CADPS: variants seen among roughly 807,000 people sequenced by gnomAD.
The protein encoded by CADPS is calcium dependent secretion activator.
In CADPS, 57 loss-of-function variants were observed where a neutral mutation model predicts 167.3. That is an observed-to-expected ratio of 0.34 (90% CI 0.28 to 0.42). The LOEUF (loss-of-function observed/expected upper bound fraction) is 0.42. CADPS is among the 20% of genes least tolerant of loss of function. CADPS has a pLI of 1.00. For synonymous variants in CADPS, 676 were observed against 635.3 expected (o/e 1.06, Z -0.96); for missense variants, 1,414 against 1,738.1 (o/e 0.81, Z 3.32).
intron 9 of CADPS, among the ~76,000 whole-genome samples, chr3:62,564,234 C>G (rs2079709900): frequency 6.6e-6 from 1 of 152,026 alleles, no homozygotes; most frequent in South Asian, 2.1e-4. Context: ...ATTCCCTGAC[C>G]TCATGATCCA....
intron 6 of CADPS, among the ~76,000 whole-genome samples, chr3:62,621,668 G>A (rs972219545): frequency 2.6e-5 from 4 of 151,864 alleles, no homozygotes; most frequent in African/African-American, 9.7e-5. Context: ...GGTTTCTTGT[G>A]CAGTTTATTT....
intron 18 of CADPS, among the ~76,000 whole-genome samples, chr3:62,496,694 G>A (rs2064859715): frequency 6.6e-6 from 1 of 152,160 alleles, no homozygotes; most frequent in Non-Finnish European, 1.5e-5. Context: ...TGGAAGAGAA[G>A]AGGCAAAGCT....
intron 1 of CADPS, among the ~76,000 whole-genome samples, chr3:62,833,336 A>G (rs1206117105): frequency 6.6e-6 from 1 of 151,740 alleles, no homozygotes; most frequent in African/African-American, 2.4e-5. Flanking sequence ...AAAAATTGTA[A>G]TAGAGATGAG....
intron 6 of CADPS, among the ~76,000 whole-genome samples, chr3:62,631,447 T>C (rs1203387389): frequency 1.3e-5 from 2 of 152,160 alleles, no homozygotes; most frequent in Non-Finnish European, 2.9e-5. Context: ...CCCACAATGA[T>C]TGTGTTTGTT....
intron 4 of CADPS, among the ~76,000 whole-genome samples, chr3:62,659,264 A>C (rs139447841): frequency 6.6e-6 from 1 of 152,310 alleles, no homozygotes; most frequent in East Asian, 1.9e-4. Flanking sequence ...GCTAAAAAGA[A>C]GATAAGCAGA....
chr3:62,786,387 A>T (rs1464630608), intron 1 of CADPS, among the ~76,000 whole-genome samples: 2 of 152,170 alleles, frequency 1.3e-5, no homozygotes, highest in East Asian at 3.9e-4. Flanking sequence ...TCTAATGGTA[A>T]TTCCAGCATT....
intron 1 of CADPS, among the ~76,000 whole-genome samples, chr3:62,867,055 C>G (rs988359898): frequency 6.6e-6 from 1 of 151,928 alleles, no homozygotes; most frequent in Non-Finnish European, 1.5e-5. Context: ...TATATATATG[C>G]TTAGAATTTA....
At chr3:62,686,532 T>C (rs2078069222) in intron 3 of CADPS, among the ~76,000 whole-genome samples, 1 of 151,136 alleles carries the variant, frequency 6.6e-6, no homozygotes, top group Non-Finnish European at 1.5e-5. Context: ...ATGGAGCTAA[T>C]GTACACTACA....
At chr3:62,522,128 T>G (rs1365791523) in intron 13 of CADPS, among the ~76,000 whole-genome samples, 1 of 151,626 alleles carries the variant, frequency 6.6e-6, no homozygotes, top group Non-Finnish European at 1.5e-5. Context: ...TATCTATCTA[T>G]CTATCTATCT....
intron 1 of CADPS, among the ~76,000 whole-genome samples, chr3:62,792,832 A>C (rs769090352): frequency 2.6e-5 from 4 of 152,136 alleles, no homozygotes; most frequent in Non-Finnish European, 5.9e-5. Flanking sequence ...TCCTGGCCTC[A>C]GGTGATCCTC....
chr3:62,689,592 T>C (rs2078724889), intron 3 of CADPS, among the ~76,000 whole-genome samples: 1 of 152,092 alleles, frequency 6.6e-6, no homozygotes, highest in African/African-American at 2.4e-5. Flanking sequence ...AGGGGGGTTG[T>C]AGGGCATAAA....
intron 1 of CADPS, among the ~76,000 whole-genome samples, chr3:62,839,147 AGCTTT>A (rs1371439342): frequency 6.6e-6 from 1 of 152,144 alleles, no homozygotes; most frequent in African/African-American, 2.4e-5. Flanking sequence ...TGTCCAGAAA[AGCTTT>A]GCTTTAAGTT....
rs151243662 is a variant in CADPS at position 62,398,993 on chromosome 3, G to T, written c.*413C>A. On this transcript the variant is annotated 3_prime_UTR_variant, in exon 30 of 30. Coordinates refer to ENST00000383710, the MANE Select transcript of CADPS (RefSeq NM_003716.4). ...TATGTGTTTTAATTAATTTATTTAC[G>T]TACTCATTTAATTAACTGGCATCCA... The T allele has an allele frequency of 1.0e-3, 157 of 154,352 alleles. 2 individuals are homozygous for T. The highest frequency in any genetic ancestry group is 0.01 in the Middle Eastern group (3 of 300). 9.6% of individuals were successfully genotyped at this position (154,352 alleles called of 1,614,324 possible).
intron 10 of CADPS, among the ~76,000 whole-genome samples, chr3:62,553,682 C>T (rs1032868772): frequency 6.6e-6 from 1 of 152,228 alleles, no homozygotes; most frequent in East Asian, 1.9e-4. Flanking sequence ...AGCAACAGGG[C>T]TTTTTCAGAA....
At chr3:62,597,974 T>TA (rs1279915697) in intron 6 of CADPS, among the ~76,000 whole-genome samples, 1 of 152,050 alleles carries the variant, frequency 6.6e-6, no homozygotes, top group Non-Finnish European at 1.5e-5. Context: ...ATCTCCTTGT[T>TA]AAAAAAACAG....
intron 26 of CADPS, among the ~76,000 whole-genome samples, chr3:62,450,440 A>G (rs1369279238): frequency 1.3e-5 from 2 of 152,202 alleles, no homozygotes; most frequent in Admixed American, 1.3e-4. Context: ...CTTGCCCCAG[A>G]TACCTGGTCT....
At chr3:62,629,110 T>A (rs1047630193) in intron 6 of CADPS, among the ~76,000 whole-genome samples, 36 of 152,186 alleles carry the variant, frequency 2.4e-4, no homozygotes, top group Non-Finnish European at 5.9e-5. Context: ...ATGATTTTTT[T>A]AAATAAAAGC....
rs889956634 is a variant in CADPS, at chr3:62,455,426, C to T, written c.3637-9629G>A. Among the ~76,000 whole-genome samples the T allele has an allele frequency of 2.6e-5, 4 of 152,192 alleles. No individual in the cohort carries two copies. The highest frequency in any genetic ancestry group is 5.9e-5 in the Non-Finnish European group (4 of 68,026). On this transcript the variant is annotated intron_variant, in intron 26 of 29. Coordinates refer to ENST00000383710, the MANE Select transcript of CADPS (RefSeq NM_003716.4). This position sits in a 1 kb window ranked among gnomAD's most constrained non-coding sequence, Gnocchi z 4.4. Reference sequence around the variant, plus strand: ...GAAACTGAGGCTCAGAGAGGTTAATCGACTTTTGAAAAGATCCACAACTAG... The same window carrying T: ...GAAACTGAGGCTCAGAGAGGTTAATTGACTTTTGAAAAGATCCACAACTAG...
rs555528129 is a variant in CADPS at position 62,714,720 on chromosome 3, T to A, written c.888+38721A>T. On this transcript the variant is annotated intron_variant, in intron 3 of 29. Coordinates refer to ENST00000383710, the MANE Select transcript of CADPS (RefSeq NM_003716.4). ...TTGGGTTAGACTCCTAAAGAAAAGA[T>A]GCCTAGGAGCAAAATATTACTGTCA... 9.2e-5 allele frequency among the ~76,000 whole-genome samples: 14 copies of A among 152,288 alleles called. No individual in the cohort carries two copies. The South Asian group carries it at 2.1e-3, about 23-fold the overall frequency.
Sources: gnomAD v4.1 joint callset for allele counts (sites outside exome capture counted in the v4.1 genomes callset) on GRCh38, gnomAD v4.1.1 for gene constraint, Gnocchi (gnomAD v3.1) non-coding constraint, MANE v1.5 for transcripts, NCBI Gene and HGNC (gene_info 2026-07-23, HGNC 2026-07-21) for gene names.